The following SLC3A2 variants were observed in gnomAD, a reference collection of about 807,000 sequenced individuals.
SLC3A2 encodes the protein solute carrier family 3 member 2, also known as amino acid transporter heavy chain SLC3A2.
Under a neutral mutation model 48.5 loss-of-function variants are expected in SLC3A2, and 32 were observed. That is an observed-to-expected ratio of 0.66 (90% confidence interval 0.50 to 0.89). SLC3A2 has a LOEUF of 0.89. SLC3A2 is among the 40% of genes least tolerant of loss of function. The pLI, the probability that SLC3A2 is intolerant of heterozygous loss-of-function variation, is 0.00. For synonymous variants in SLC3A2, 277 were observed against 288.8 expected, an observed-to-expected ratio of 0.96 and a Z score of 0.41; for missense variants, 587 against 680.7, an observed-to-expected ratio of 0.86 and a Z score of 1.53.
At position 62,864,037 on chromosome 11, in the gene SLC3A2, A is replaced by C. The variant is rs187573926; in HGVS notation, c.112+7656A>C. On this transcript the variant is annotated intron_variant, in intron 1 of 9. Transcript: ENST00000377889. Reference sequence around the variant, plus strand: ...GCTCAGAGTTTGAGTCAAAGTTGGCAGCTTAGCCGGTATGTGGGCTGGAGA... The same window carrying C: ...GCTCAGAGTTTGAGTCAAAGTTGGCCGCTTAGCCGGTATGTGGGCTGGAGA... Among the ~76,000 whole-genome samples, 3 of 152,252 alleles carry C rather than the reference A, an allele frequency of 2.0e-5. No individual in the cohort carries two copies. In the East Asian group the frequency reaches 5.8e-4, roughly 29 times the overall value.
At chr11:62,868,323 A>T (rs1161695044) in intron 1 of SLC3A2, among the ~76,000 whole-genome samples, 2 of 151,264 alleles carry the variant, frequency 1.3e-5, no homozygotes, top group Non-Finnish European at 2.9e-5. Context: ...CTAGGGTATG[A>T]ATCTAGCTAG....
intron 3 of SLC3A2, chr11:62,883,822 A>G (rs2085672726): frequency 8.4e-6 from 3 of 358,618 alleles, no homozygotes. Context: ...AAAGGGAAGA[A>G]AAGGAGAATG....
chr11:62,871,983 GCT>G (rs1233767424), intron 1 of SLC3A2, among the ~76,000 whole-genome samples: 1 of 152,128 alleles, frequency 6.6e-6, no homozygotes, highest in Non-Finnish European at 1.5e-5. Context: ...CGTGATCACA[GCT>G]CACTGCAACC....
At chr11:62,871,240 CTTTT>C (rs747198908) in intron 1 of SLC3A2, among the ~76,000 whole-genome samples, 4 of 118,528 alleles carry the variant, frequency 3.4e-5, no homozygotes, top group African/African-American at 9.3e-5. Context: ...TAGGGCTTAT[CTTTT>C]TTTTTTTTTT....
intron 1 of SLC3A2, among the ~76,000 whole-genome samples, chr11:62,869,752 T>G (rs2134987007): frequency 6.6e-6 from 1 of 151,902 alleles, no homozygotes; most frequent in Admixed American, 6.6e-5. Context: ...GCACAATTTA[T>G]TTGTCTTTTT....
intron 1 of SLC3A2, chr11:62,870,915 T>A (rs934573240): frequency 5.7e-6 from 1 of 174,670 alleles, no homozygotes; most frequent in African/African-American, 2.4e-5. Flanking sequence ...TCTTGCTCTG[T>A]TGCCCAGGCT....
At chr11:62,861,671 G>C (rs1405608253) in intron 1 of SLC3A2, among the ~76,000 whole-genome samples, 2 of 152,002 alleles carry the variant, frequency 1.3e-5, no homozygotes, top group African/African-American at 4.8e-5. Context: ...ATTCCAGCAC[G>C]TTGGGAGGCC....
chr11:62,885,405 T>C (rs1565256193), intron 6 of SLC3A2, 48 bp downstream of exon 6: 4 of 1,613,496 alleles, frequency 2.5e-6, no homozygotes, highest in Non-Finnish European at 3.4e-6. Context: ...GAAGAAAGGG[T>C]TGTTGGGAGA....
chr11:62,864,321 T>G (rs199970164), intron 1 of SLC3A2, among the ~76,000 whole-genome samples: 1 of 146,732 alleles, frequency 6.8e-6, no homozygotes, highest in African/African-American at 2.4e-5. Flanking sequence ...TTTTTTTTTT[T>G]GAGATGGAAT....
chr11:62,860,113 C>CT (rs1483544739), intron 1 of SLC3A2, among the ~76,000 whole-genome samples: 1 of 152,112 alleles, frequency 6.6e-6, no homozygotes, highest in Non-Finnish European at 1.5e-5. Flanking sequence ...GCAAAGGACT[C>CT]TGTGTCATAA....
rs1375544632 is a variant in SLC3A2 at position 62,881,322 on chromosome 11, T to C, written c.299T>C (p.Val100Ala). 1.0e-5 allele frequency: 16 copies of C among 1,582,466 alleles called. No individual in the cohort carries two copies. Among genetic ancestry groups the C allele is most frequent in the Admixed American group, 1.8e-5 (1 of 54,674 alleles). ...LGWLGMLAGAVVIIVRAPRCR... is the reference protein window; with the variant it reads ...LGWLGMLAGAAVIIVRAPRCR... ...TGGCTCGGCATGCTTGCTGGTGCCG[T>C]GGTCATAATCGTGCGAGCGCCGCGT... The change falls in exon 1 of 9, where the codon GTG (valine) becomes GCG (alanine). Residue 100 changes from valine to alanine, a missense_variant. This residue lies in a region of SLC3A2 where 409 missense variants were observed against 446.7 expected (regional missense o/e 0.92). Transcript: ENST00000338663. This position sits in a 1 kb window ranked among gnomAD's most constrained non-coding sequence, Gnocchi z 4.0.
rs898377443 is a variant in SLC3A2, at chr11:62,887,964, TAA to T, written c.1144-167_1144-166del. ...TGTAACACTACACCCAGCTAATTTT[TAA>T]AAATTTTGTAGTAGAGATGAGGGCT... On this transcript the variant is annotated intron_variant, in intron 7 of 8. Transcript: ENST00000338663. 2.2e-5 allele frequency: 13 copies of T among 587,774 alleles called. No individual in the cohort carries two copies. In the African/African-American group the frequency reaches 2.4e-4, roughly 11 times the overall value. 36.4% of individuals were successfully genotyped at this position (587,774 alleles called of 1,614,324 possible).
At chr11:62,874,303 T>C (rs2085548918) in intron 1 of SLC3A2, among the ~76,000 whole-genome samples, 1 of 152,176 alleles carries the variant, frequency 6.6e-6, no homozygotes, top group Non-Finnish European at 1.5e-5. Flanking sequence ...TCTGATGTCA[T>C]TAATCCAAGG....
chr11:62,873,995 TTTTTTTTTTTTG>T (rs2085545425), intron 1 of SLC3A2, among the ~76,000 whole-genome samples: 9 of 129,932 alleles, frequency 6.9e-5, no homozygotes, highest in South Asian at 2.6e-4. Flanking sequence ...TTTTTTTTTT[TTTTTTTTTTTTG>T]GAGAAAGAGT....
chr11:62,881,238 C>T lies in SLC3A2; in HGVS notation c.215C>T (p.Ala72Val). The T allele has an allele frequency of 6.3e-7, 1 of 1,585,078 alleles. No individual in the cohort carries two copies. Among genetic ancestry groups the T allele is most frequent in the African/African-American group, 1.3e-5 (1 of 74,824 alleles). ...GLSKEELLKV[A>V]GSPGWVRTRW... Reference sequence around the variant, plus strand: ...TCCAAGGAGGAGCTGCTGAAGGTGGCAGGCAGCCCCGGCTGGGTACGCACC... The same window carrying T: ...TCCAAGGAGGAGCTGCTGAAGGTGGTAGGCAGCCCCGGCTGGGTACGCACC... The change falls in exon 1 of 9, where the codon GCA becomes GTA. Residue 72 changes from alanine to valine, a missense_variant. Around this residue, in one of 3 missense-constraint regions of SLC3A2, gnomAD observed 409 missense variants for 446.7 expected, o/e 0.92. Coordinates refer to ENST00000338663, the MANE Select transcript of SLC3A2 (RefSeq NM_001013251.3). This position sits in a 1 kb window ranked among gnomAD's most constrained non-coding sequence, Gnocchi z 4.0.
chr11:62,856,291 G>A (rs2085319553), exon 1 of SLC3A2: 1 of 1,613,372 alleles, frequency 6.2e-7, no homozygotes, highest in Non-Finnish European at 8.5e-7. Context: ...GCCTCCTGAA[G>A]CCTCGATCGC....
chr11:62,882,077 T>C lies in SLC3A2; in HGVS notation c.598+11T>C, dbSNP rs373003345. 40 of 1,613,892 alleles carry C rather than the reference T, an allele frequency of 2.5e-5. No individual in the cohort carries two copies. The highest frequency in any genetic ancestry group is 3.0e-5 in the Non-Finnish European group (35 of 1,179,928). On this transcript the variant is annotated intron_variant, in intron 2 of 8. Coordinates refer to ENST00000338663, the MANE Select transcript of SLC3A2 (RefSeq NM_001013251.3). ...CGGCTAAAAAAAAGAGTGGGTATCCTGGGGTTCCCAAGGAAACAGCTAGAA... is the reference window on the plus strand; with the variant it reads ...CGGCTAAAAAAAAGAGTGGGTATCCCGGGGTTCCCAAGGAAACAGCTAGAA...
rs764106248 is a variant in SLC3A2 at position 62,885,188 on chromosome 11, C to T, written c.830C>T (p.Ala277Val). 3.5e-5 allele frequency: 56 copies of T among 1,613,822 alleles called. 1 individual carries two copies. The highest frequency in any genetic ancestry group is 4.2e-5 in the Non-Finnish European group (49 of 1,179,964). The change falls in exon 6 of 9, where the codon GCG becomes GTG. Residue 277 changes from alanine to valine, a missense_variant. Ala to Val is a moderately conservative substitution (Grantham distance 64, BLOSUM62 0). Coordinates refer to ENST00000338663, the MANE Select transcript of SLC3A2 (RefSeq NM_001013251.3). ...KGFSEDRLLIAGTNSSDLQQI... is the reference protein window; with the variant it reads ...KGFSEDRLLIVGTNSSDLQQI... The stretch of plus-strand genomic sequence containing the variant: ...CCTCCCCTCTGCAGGCTCTTGATTG[C>T]GGGGACTAACTCCTCCGACCTTCAG...
At chr11:62,859,196 T>G (rs942813474) in intron 1 of SLC3A2, among the ~76,000 whole-genome samples, 1 of 152,096 alleles carries the variant, frequency 6.6e-6, no homozygotes, top group Non-Finnish European at 1.5e-5. Context: ...TTCCGCAGTT[T>G]TTGTGTCCCT....
Sources: allele counts gnomAD v4.1 joint callset (sites outside exome capture counted in the v4.1 genomes callset), GRCh38; gene constraint gnomAD v4.1.1; regional missense constraint gnomAD v4.1.1; non-coding constraint Gnocchi (gnomAD v3.1); transcripts MANE v1.5; gene names NCBI Gene and HGNC (gene_info 2026-07-23, HGNC 2026-07-21).